PRKCE: variants seen among roughly 807,000 people sequenced by gnomAD.
The protein encoded by PRKCE is protein kinase C epsilon type.
Under a neutral mutation model 85.4 loss-of-function variants are expected in PRKCE, and 16 were observed. That is an observed-to-expected ratio of 0.19 (90% confidence interval 0.13 to 0.28). The LOEUF is 0.28. Among genes scored for constraint, PRKCE ranks in the 10% least tolerant of loss-of-function variants. The pLI is 1.00. For missense variants in PRKCE, 573 were observed against 975.2 expected (o/e 0.59, Z 5.49); for synonymous variants, 388 against 371.5 (o/e 1.04, Z -0.51).
At chr2:46,125,208 G>A (rs553500192) in intron 11 of PRKCE, among the ~76,000 whole-genome samples, 1 of 152,250 alleles carries the variant, frequency 6.6e-6, no homozygotes, top group East Asian at 1.9e-4. Context: ...ATGAATTGAT[G>A]GTCAGTACTA....
At chr2:45,784,628 C>T (rs1312827509) in intron 1 of PRKCE, among the ~76,000 whole-genome samples, 1 of 152,030 alleles carries the variant, frequency 6.6e-6, no homozygotes, top group Non-Finnish European at 1.5e-5. Flanking sequence ...CATCTCCTAG[C>T]TTTTTGTTTT....
At chr2:45,998,720 G>T (rs1237782831) in intron 6 of PRKCE, among the ~76,000 whole-genome samples, 1 of 151,974 alleles carries the variant, frequency 6.6e-6, no homozygotes, top group African/African-American at 2.4e-5. Flanking sequence ...TTTTCTATTT[G>T]TTGCCCTTAT....
intron 2 of PRKCE, among the ~76,000 whole-genome samples, chr2:45,899,348 C>T (rs1322565680): frequency 6.6e-6 from 1 of 150,422 alleles, no homozygotes. Context: ...ATTGCCACTC[C>T]TCCTTCCTTC....
At chr2:45,739,077 T>G (rs1682328655) in intron 1 of PRKCE, among the ~76,000 whole-genome samples, 1 of 152,208 alleles carries the variant, frequency 6.6e-6, no homozygotes, top group Non-Finnish European at 1.5e-5. Context: ...CTGGCTGTAT[T>G]CTCAGACAAG....
intron 1 of PRKCE, among the ~76,000 whole-genome samples, chr2:45,778,053 G>A (rs1393557617): frequency 7.9e-6 from 1 of 125,966 alleles, no homozygotes; most frequent in Non-Finnish European, 1.6e-5. Flanking sequence ...GGAGGAGCAA[G>A]TCAATTTATC....
chr2:45,865,688 C>A (rs552197892), intron 2 of PRKCE, among the ~76,000 whole-genome samples: 89 of 152,292 alleles, frequency 5.8e-4, no homozygotes, highest in African/African-American at 2.0e-3. Flanking sequence ...CTGTGCTTCT[C>A]CCCTGTGGAG....
chr2:45,763,377 A>G (rs1684668952), intron 1 of PRKCE, among the ~76,000 whole-genome samples: 1 of 152,194 alleles, frequency 6.6e-6, no homozygotes, highest in Non-Finnish European at 1.5e-5. Flanking sequence ...AGACCTGTCT[A>G]GTGGATGATT....
chr2:46,026,148 C>T (rs7349397), intron 10 of PRKCE, among the ~76,000 whole-genome samples: 38,519 of 152,180 alleles, frequency 0.25, 5,375 homozygotes, highest in African/African-American at 0.36. Flanking sequence ...TCAAATACCC[C>T]TTTCTCCTTG....
chr2:45,739,763 G>A (rs1682395996), intron 1 of PRKCE, among the ~76,000 whole-genome samples: 1 of 152,080 alleles, frequency 6.6e-6, no homozygotes, highest in African/African-American at 2.4e-5. Context: ...AGATCTTGAT[G>A]GTGGTGGTGG....
chr2:45,917,422 C>T (rs1030942151), intron 2 of PRKCE, among the ~76,000 whole-genome samples: 1 of 152,146 alleles, frequency 6.6e-6, no homozygotes, highest in Non-Finnish European at 1.5e-5. Context: ...AAGGCCCCAC[C>T]AGAGTAGCTA....
intron 1 of PRKCE, among the ~76,000 whole-genome samples, chr2:45,693,149 T>C (rs1677872963): frequency 1.3e-5 from 2 of 151,236 alleles, no homozygotes; most frequent in African/African-American, 4.9e-5. Flanking sequence ...TGGCAATGGA[T>C]GGGTGGGTGG....
At chr2:45,700,811 T>C (rs559009055) in intron 1 of PRKCE, among the ~76,000 whole-genome samples, 1 of 152,164 alleles carries the variant, frequency 6.6e-6, no homozygotes, top group African/African-American at 2.4e-5. Flanking sequence ...CTGGTGTCCT[T>C]ATAAGAAGGG....
chr2:46,045,665 G>A (rs946720310), intron 10 of PRKCE, among the ~76,000 whole-genome samples: 1 of 152,144 alleles, frequency 6.6e-6, no homozygotes, highest in Non-Finnish European at 1.5e-5. Flanking sequence ...GATCACTTGG[G>A]GTCAGGAGTT....
chr2:46,021,054 G>A (rs181081401), intron 10 of PRKCE, among the ~76,000 whole-genome samples: 15 of 152,234 alleles, frequency 9.9e-5, no homozygotes, highest in Admixed American at 9.8e-4. Flanking sequence ...TTGCCTCCTG[G>A]GGGTGAGAAG....
chr2:45,730,477 C>T (rs1358574984), intron 1 of PRKCE, among the ~76,000 whole-genome samples: 5 of 144,552 alleles, frequency 3.5e-5, no homozygotes, highest in Non-Finnish European at 6.0e-5. Flanking sequence ...TTTTTTTTCC[C>T]GAGACAGAGT....
chr2:45,717,517 A>G (rs1320672272), intron 1 of PRKCE, among the ~76,000 whole-genome samples: 1 of 152,228 alleles, frequency 6.6e-6, no homozygotes, highest in East Asian at 1.9e-4. Context: ...AGCATATGGC[A>G]TGTCTTGTGC....
At chr2:46,034,657 A>C (rs1707746684) in intron 10 of PRKCE, among the ~76,000 whole-genome samples, 1 of 152,200 alleles carries the variant, frequency 6.6e-6, no homozygotes, top group South Asian at 2.1e-4. Flanking sequence ...CCATGGGCTT[A>C]GGAGAGGCAA....
rs367866641 is a variant in PRKCE at position 45,971,870 on chromosome 2, A to T, written c.413-4559A>T. Among the ~76,000 whole-genome samples, 8 of 152,304 alleles carry T rather than the reference A, an allele frequency of 5.3e-5. No individual in the cohort carries two copies. In the South Asian group the frequency reaches 1.4e-3, roughly 28 times the overall value. On this transcript the variant is annotated intron_variant, in intron 2 of 14. Coordinates refer to ENST00000306156, the MANE Select transcript of PRKCE (RefSeq NM_005400.3). ...TTTAACCATTCATCCATAGATGGAC[A>T]TTTAGGTTGCTTCCATGTCTTGGCT...
intron 2 of PRKCE, among the ~76,000 whole-genome samples, chr2:45,866,764 C>T (rs1693649643): frequency 6.6e-6 from 1 of 152,240 alleles, no homozygotes; most frequent in African/African-American, 2.4e-5. Flanking sequence ...ATTTCAAGTG[C>T]TCAATAGTCA....
Sources: gnomAD v4.1 joint callset for allele counts (sites outside exome capture counted in the v4.1 genomes callset) on GRCh38, gnomAD v4.1.1 for gene constraint, MANE v1.5 for transcripts, NCBI Gene and HGNC (gene_info 2026-07-23, HGNC 2026-07-21) for gene names.